Variants in TIFAB observed in about 807,000 individuals in gnomAD.
TIFAB encodes TRAF-interacting protein with FHA domain-containing protein B.
For missense variants in TIFAB, 222 were observed against 203.6 expected (o/e 1.09, Z -0.55); for synonymous variants, 116 against 95.2 (o/e 1.22, Z -1.27).
rs969875705 is a variant in TIFAB at position 135,447,417 on chromosome 5, T to G, written c.*2037A>C. 6.8e-6 allele frequency: 3 copies of G among 442,802 alleles called. No individual in the cohort carries two copies. The highest frequency in any genetic ancestry group is 1.2e-5 in the Non-Finnish European group (3 of 243,818). 27.4% of individuals were successfully genotyped at this position (442,802 alleles called of 1,614,324 possible). On this transcript the variant is annotated 3_prime_UTR_variant, in exon 2 of 2. Coordinates refer to ENST00000537858, the MANE Select transcript of TIFAB (RefSeq NM_001099221.2). ...ATGGTGAGCCCTCCTCTCTCAGGTC[T>G]CATGATAGTAGCTAACCCTTATTAA...
chr5:135,444,988 C>G lies in TIFAB; in HGVS notation c.*4466G>C, dbSNP rs562225940. 6 of 152,472 alleles carry G rather than the reference C, an allele frequency of 3.9e-5. No homozygotes were observed. Among genetic ancestry groups the G allele is most frequent in the Non-Finnish European group, 7.3e-5 (5 of 68,276 alleles). The allele number at this position is 152,472 out of a possible 1,614,324, so 9.4% of individuals were successfully genotyped here. A position where few individuals can be genotyped will look rare whatever the true frequency, so the allele number is the denominator to read the frequency against. ...GTGGACGCGTCGGGGGTGGTCTGCA[C>G]GGGCTGGCCTGCATAGCCCAGGGGT... On this transcript the variant is annotated 3_prime_UTR_variant, in exon 2 of 2. Coordinates refer to ENST00000537858, the MANE Select transcript of TIFAB (RefSeq NM_001099221.2).
In TIFAB at chr5:135,449,894, T is replaced by A; in HGVS notation, c.46A>T (p.Thr16Ser). 1 of 1,564,386 alleles carries A rather than the reference T, an allele frequency of 6.4e-7. No individual in the cohort carries two copies. ...TTGGCAAAGGCAGATGGGCCCAGCG[T>A]GGGATGGTACAGGCTCACTCGCAGG... ...TVLRVSLYHP[T>S]LGPSAFANVP... is the part of the protein sequence containing the mutation. Residue 16 changes from threonine to serine, a missense_variant, in exon 2 of 2, where the codon ACG becomes TCG. Coordinates refer to ENST00000537858, the MANE Select transcript of TIFAB (RefSeq NM_001099221.2).
Position 135,446,540 on chromosome 5 carries a change from G to C in TIFAB, c.*2914C>G. 1 of 1,614,018 alleles carries C rather than the reference G, an allele frequency of 6.2e-7. No homozygotes were observed. Among genetic ancestry groups the C allele is most frequent in the Admixed American group, 1.7e-5 (1 of 60,024 alleles). On this transcript the variant is annotated 3_prime_UTR_variant, in exon 2 of 2. Transcript: ENST00000537858. ...AGCCTGACGGTTCCAGCTGTTAGGA[G>C]AAAGTGAAGGTGGGTGCCATGGATC...
chr5:135,444,798 T>C lies in TIFAB; in HGVS notation c.*4656A>G, dbSNP rs1769226270. On this transcript the variant is annotated 3_prime_UTR_variant, in exon 2 of 2. Transcript: ENST00000537858. ...CAAAGTCTTGCTCTACACGTTTCTG[T>C]AGTGACCGTCCATTTGAAGGGATAG... 1.3e-5 allele frequency: 2 copies of C among 152,228 alleles called. No individual in the cohort carries two copies. The highest frequency in any genetic ancestry group is 2.4e-5 in the African/African-American group (1 of 41,452). The allele number at this position is 152,228 out of a possible 1,614,324, so 9.4% of individuals were successfully genotyped here.
In TIFAB at chr5:135,449,671, G is replaced by A. The variant is rs201089443; in HGVS notation, c.269C>T (p.Thr90Met). The A allele has an allele frequency of 1.8e-4, 291 of 1,614,168 alleles. No homozygotes were observed. Among genetic ancestry groups the A allele is most frequent in the South Asian group, 3.0e-4 (27 of 91,088 alleles). The part of the protein sequence containing the change: ...RKGCVWVNGL[T>M]LRYLEQVPLS... Reference sequence around the variant, plus strand: ...GGGGACCTGCTCCAGGTACCTCAGCGTCAGCCCATTGACCCACACACAGCC... The same window carrying A: ...GGGGACCTGCTCCAGGTACCTCAGCATCAGCCCATTGACCCACACACAGCC... Residue 90 changes from threonine (T) to methionine (M), a missense_variant, in exon 2 of 2, where the codon ACG (threonine) becomes ATG (methionine). Transcript: ENST00000537858.
Position 135,446,717 on chromosome 5 carries a change from T to A in TIFAB, c.*2737A>T. On this transcript the variant is annotated 3_prime_UTR_variant, in exon 2 of 2. Coordinates refer to ENST00000537858, the MANE Select transcript of TIFAB (RefSeq NM_001099221.2). ...GTAGAGTCTGAAACTACAAACCAGA[T>A]GTTTCCGGGCTCCCTCCCGCCTGGT... The A allele has an allele frequency of 6.2e-7, 1 of 1,613,880 alleles. No homozygotes were observed.
Position 135,446,736 on chromosome 5 carries a change from G to A in TIFAB, c.*2718C>T, listed in dbSNP as rs560339780. 5.6e-6 allele frequency: 9 copies of A among 1,613,808 alleles called. No homozygotes were observed. The highest frequency in any genetic ancestry group is 4.5e-5 in the East Asian group (2 of 44,896). On this transcript the variant is annotated 3_prime_UTR_variant, in exon 2 of 2. Transcript: ENST00000537858. ...ACCAGATGTTTCCGGGCTCCCTCCC[G>A]CCTGGTCTGGCCTGTCTTCCTTCTG...
rs749686404 is a variant in TIFAB, at chr5:135,446,950, C to T, written c.*2504G>A. ...CCTGGAGAGGGGCACTCAGGGGCAG[C>T]AGCTCATTCCCAAAGTTCTCTGGTG... On this transcript the variant is annotated 3_prime_UTR_variant, in exon 2 of 2. Transcript: ENST00000537858. 10 of 1,612,692 alleles carry T rather than the reference C, an allele frequency of 6.2e-6. No individual in the cohort carries two copies. The East Asian group carries it at 2.2e-4, about 36-fold the overall frequency.
In TIFAB at chr5:135,447,194, C is replaced by A. The variant is rs944456653; in HGVS notation, c.*2260G>T. On this transcript the variant is annotated 3_prime_UTR_variant, in exon 2 of 2. Transcript: ENST00000537858. ...ATGTGGCTTCTTCTCCTTGCCAGCC[C>A]TACCAGGGCATCTCCCATTATACTA... 3 of 1,547,126 alleles carry A rather than the reference C, an allele frequency of 1.9e-6. No homozygotes were observed. The highest frequency in any genetic ancestry group is 3.5e-5 in the Admixed American group (2 of 57,392).
chr5:135,449,372 G>A lies in TIFAB; in HGVS notation c.*82C>T. On this transcript the variant is annotated 3_prime_UTR_variant, in exon 2 of 2. Coordinates refer to ENST00000537858, the MANE Select transcript of TIFAB (RefSeq NM_001099221.2). ...GGGTTCCCTCTGGAGCTGTATTTCTGTTCCTCCTCCAGGTCTTGGCTGGAG... is the reference window on the plus strand; with the variant it reads ...GGGTTCCCTCTGGAGCTGTATTTCTATTCCTCCTCCAGGTCTTGGCTGGAG... The A allele has an allele frequency of 6.4e-7, 1 of 1,555,294 alleles. No homozygotes were observed. The highest frequency in any genetic ancestry group is 8.7e-7 in the Non-Finnish European group (1 of 1,152,612).
chr5:135,446,399 C>A lies in TIFAB; in HGVS notation c.*3055G>T. 6.2e-7 allele frequency: 1 copy of A among 1,606,796 alleles called. No homozygotes were observed. The highest frequency in any genetic ancestry group is 8.5e-7 in the Non-Finnish European group (1 of 1,174,482). ...TCACTCAGGCACGTGGGCTGCCCTG[C>A]GGTGGGAGCTGAGAGAATGCAGTGG... On this transcript the variant is annotated 3_prime_UTR_variant, in exon 2 of 2. Coordinates refer to ENST00000537858, the MANE Select transcript of TIFAB (RefSeq NM_001099221.2).
Position 135,449,651 on chromosome 5 carries a change from C to T in TIFAB, c.289G>A (p.Val97Ile), listed in dbSNP as rs201927720. ...ACCCTGTTGACGGTGCTCAGGGGGA[C>T]CTGCTCCAGGTACCTCAGCGTCAGC... is the stretch of plus-strand genomic sequence containing the variant. ...NGLTLRYLEQ[V>I]PLSTVNRVSF... The change falls in exon 2 of 2, where the codon GTC becomes ATC. Residue 97 changes from valine (V) to isoleucine (I), a missense_variant. Physicochemically the swap from Val to Ile is conservative, Grantham distance 29. Transcript: ENST00000537858. 2.0e-5 allele frequency: 33 copies of T among 1,614,070 alleles called. No individual in the cohort carries two copies. The highest frequency in any genetic ancestry group is 2.5e-5 in the Non-Finnish European group (29 of 1,180,052).
In TIFAB at chr5:135,446,729, C is replaced by T; in HGVS notation, c.*2725G>A. 2 of 1,613,886 alleles carry T rather than the reference C, an allele frequency of 1.2e-6. No individual in the cohort carries two copies. Among genetic ancestry groups the T allele is most frequent in the Non-Finnish European group, 1.7e-6 (2 of 1,179,800 alleles). On this transcript the variant is annotated 3_prime_UTR_variant, in exon 2 of 2. Coordinates refer to ENST00000537858, the MANE Select transcript of TIFAB (RefSeq NM_001099221.2). ...ACTACAAACCAGATGTTTCCGGGCT[C>T]CCTCCCGCCTGGTCTGGCCTGTCTT... is the stretch of plus-strand genomic sequence containing the variant.
At position 135,449,685 on chromosome 5, in the gene TIFAB, CCA is replaced by C. The variant is rs1561708669; in HGVS notation, c.253_254del (p.Trp85GlyfsTer56). 4 of 1,614,172 alleles carry C rather than the reference CCA, an allele frequency of 2.5e-6. No individual in the cohort carries two copies. Among genetic ancestry groups the C allele is most frequent in the South Asian group, 1.1e-5 (1 of 91,084 alleles). On this transcript the variant is annotated frameshift_variant, in exon 2 of 2. Coordinates refer to ENST00000537858, the MANE Select transcript of TIFAB (RefSeq NM_001099221.2). LOFTEE classifies it low-confidence loss of function (END_TRUNC). The part of the protein sequence containing the change: ...LKALSRKGCV[W>X]VNGLTLRYLE... ...GGTACCTCAGCGTCAGCCCATTGAC[CCA>C]CACACAGCCCTTGCGGCTCAGGGCC...
At chr5:135,451,538 T>C (rs1769362732) in intron 1 of TIFAB, among the ~76,000 whole-genome samples, 1 of 151,212 alleles carries the variant, frequency 6.6e-6, no homozygotes, top group African/African-American at 2.4e-5. Flanking sequence ...GGCTGGAGTA[T>C]AGCGGCATGA....
chr5:135,446,937 C>A lies in TIFAB; in HGVS notation c.*2517G>T. On this transcript the variant is annotated 3_prime_UTR_variant, in exon 2 of 2. Transcript: ENST00000537858. ...CCCTCACTGAGGCCCTGGAGAGGGG[C>A]ACTCAGGGGCAGCAGCTCATTCCCA... The A allele has an allele frequency of 1.2e-6, 2 of 1,612,660 alleles. No individual in the cohort carries two copies. Among genetic ancestry groups the A allele is most frequent in the Non-Finnish European group, 8.5e-7 (1 of 1,179,270 alleles).
rs1211215016 is a variant in TIFAB, at chr5:135,444,409, A to C, written c.*5045T>G. 1 of 152,288 alleles carries C rather than the reference A, an allele frequency of 6.6e-6. No homozygotes were observed. Among genetic ancestry groups the C allele is most frequent in the African/African-American group, 2.4e-5 (1 of 41,462 alleles). The allele number at this position is 152,288 out of a possible 1,614,324, so 9.4% of individuals were successfully genotyped here. On this transcript the variant is annotated 3_prime_UTR_variant, in exon 2 of 2. Coordinates refer to ENST00000537858, the MANE Select transcript of TIFAB (RefSeq NM_001099221.2). ...GGTGCGGTGTCCGGTGAACGGCTGCAATGCAGGTTAGGCTGCCACCATGAG... is the reference window on the plus strand; with the variant it reads ...GGTGCGGTGTCCGGTGAACGGCTGCCATGCAGGTTAGGCTGCCACCATGAG...
Position 135,446,824 on chromosome 5 carries a change from G to A in TIFAB, c.*2630C>T. 6.2e-7 allele frequency: 1 copy of A among 1,613,956 alleles called. No homozygotes were observed. Among genetic ancestry groups the A allele is most frequent in the Non-Finnish European group, 8.5e-7 (1 of 1,179,840 alleles). ...CAGATGCTTCACTCGAAAGATTGGA[G>A]TTGCAGAGTCCCCTGTGGAGGAATT... On this transcript the variant is annotated 3_prime_UTR_variant, in exon 2 of 2. Transcript: ENST00000537858.
rs200179395 is a variant in TIFAB at position 135,449,501 on chromosome 5, C to A, written c.439G>T (p.Glu147Ter). Residue 147 changes from glutamate to a stop codon, truncating the protein, a stop_gained, in exon 2 of 2, where the codon GAA (glutamate) becomes TAA (stop). Coordinates refer to ENST00000537858, the MANE Select transcript of TIFAB (RefSeq NM_001099221.2). LOFTEE classifies it low-confidence loss of function (END_TRUNC). ...IYRPEAEETD[E>*]WEGISQGQPP... ...TGCCCCTGGGAGATGCCTTCCCATTCGTCAGTTTCCTCAGCCTCAGGTCTG... is the reference window on the plus strand; with the variant it reads ...TGCCCCTGGGAGATGCCTTCCCATTAGTCAGTTTCCTCAGCCTCAGGTCTG... 72 of 1,614,042 alleles carry A rather than the reference C, an allele frequency of 4.5e-5. No individual in the cohort carries two copies. The highest frequency in any genetic ancestry group is 2.4e-5 in the Non-Finnish European group (28 of 1,180,044).
Sources: allele counts gnomAD v4.1 joint callset (sites outside exome capture counted in the v4.1 genomes callset), GRCh38; gene constraint gnomAD v4.1.1; transcripts MANE v1.5; gene names NCBI Gene and HGNC (gene_info 2026-07-23, HGNC 2026-07-21).